Variants in NBEA observed in about 807,000 individuals in gnomAD.
NBEA encodes neurobeachin.
Under a neutral mutation model 343.4 loss-of-function variants are expected in NBEA, and 44 were observed. The observed-to-expected ratio is 0.13, with a 90% CI of 0.10 to 0.16. NBEA has a LOEUF of 0.16. Among genes scored for constraint, NBEA ranks in the 10% least tolerant of loss-of-function variants. The pLI, the probability that NBEA is intolerant of heterozygous loss-of-function variation, is 1.00. For synonymous variants in NBEA, 1,175 were observed against 1,238.7 expected (o/e 0.95, Z 1.08); for missense variants, 2,555 against 3,631.3 (o/e 0.70, Z 7.62).
chr13:35,313,140 G>A (rs890911357), intron 36 of NBEA, among the ~76,000 whole-genome samples: 1 of 152,110 alleles, frequency 6.6e-6, no homozygotes, highest in Non-Finnish European at 1.5e-5. Flanking sequence ...ATCTTGACAC[G>A]ACTGGTTGTT....
In NBEA at chr13:35,476,123, C is replaced by T. The variant is rs749061799; in HGVS notation, c.6585+3587C>T. 40 of 1,613,956 alleles carry T rather than the reference C, an allele frequency of 2.5e-5. No individual in the cohort carries two copies. The African/African-American group carries it at 4.9e-4, about 20-fold the overall frequency. ...TTATTCAGATGGTAGACCAGCTTGGCCTGGGCCGCAATCATGTTGGGGCAG... is the reference window on the plus strand; with the variant it reads ...TTATTCAGATGGTAGACCAGCTTGGTCTGGGCCGCAATCATGTTGGGGCAG... On this transcript the variant is annotated intron_variant, in intron 41 of 58. Coordinates refer to ENST00000379939, the MANE Select transcript of NBEA (RefSeq NM_001385012.1).
intron 34 of NBEA, among the ~76,000 whole-genome samples, chr13:35,275,768 T>G (rs965483198): frequency 1.3e-5 from 2 of 152,150 alleles, no homozygotes; most frequent in Non-Finnish European, 2.9e-5. Flanking sequence ...TCATCATCAC[T>G]GGCCATCAGA....
At chr13:35,535,047 C>G (rs2078466843) in intron 41 of NBEA, among the ~76,000 whole-genome samples, 2 of 152,146 alleles carry the variant, frequency 1.3e-5, no homozygotes, top group Admixed American at 1.3e-4. Context: ...TATATTTAAC[C>G]CTGGAAATAC....
At chr13:35,443,472 A>G (rs960394223) in intron 39 of NBEA, among the ~76,000 whole-genome samples, 1 of 152,064 alleles carries the variant, frequency 6.6e-6, no homozygotes, top group African/African-American at 2.4e-5. Flanking sequence ...TGTCAACAAA[A>G]TTAAATTGAA....
intron 1 of NBEA, among the ~76,000 whole-genome samples, chr13:34,958,190 A>G (rs1034510241): frequency 2.0e-5 from 3 of 152,130 alleles, no homozygotes; most frequent in African/African-American, 4.8e-5. Context: ...TAAAAATTAT[A>G]TATGTACCTC....
chr13:35,529,782 G>A (rs2078167144), intron 41 of NBEA, among the ~76,000 whole-genome samples: 1 of 152,016 alleles, frequency 6.6e-6, no homozygotes, highest in Non-Finnish European at 1.5e-5. Context: ...TATTTATAAT[G>A]GTACATTTTT....
chr13:35,530,738 G>C (rs911687605), intron 41 of NBEA, among the ~76,000 whole-genome samples: 1 of 139,366 alleles, frequency 7.2e-6, no homozygotes, highest in African/African-American at 2.5e-5. Context: ...TTTCCATGGT[G>C]ATCTGCACAA....
At chr13:35,169,241 A>T (rs765321842) in intron 25 of NBEA, among the ~76,000 whole-genome samples, 1 of 151,642 alleles carries the variant, frequency 6.6e-6, no homozygotes, top group Non-Finnish European at 1.5e-5. Context: ...TGTTACAGTC[A>T]TATGTACAAT....
At chr13:35,094,647 C>T (rs1433847420) in intron 10 of NBEA, among the ~76,000 whole-genome samples, 2 of 151,778 alleles carry the variant, frequency 1.3e-5, no homozygotes, top group African/African-American at 4.8e-5. Context: ...GATTAACGTA[C>T]AGTGAAATCA....
rs779009139 is a variant in NBEA at position 35,232,631 on chromosome 13, C to A, written c.5776+12C>A. The A allele has an allele frequency of 6.2e-6, 9 of 1,460,936 alleles. No individual in the cohort carries two copies. Among genetic ancestry groups the A allele is most frequent in the East Asian group, 2.5e-5 (1 of 39,602 alleles). 90.5% of individuals were successfully genotyped at this position (1,460,936 alleles called of 1,614,324 possible). On this transcript the variant is annotated intron_variant, in intron 34 of 58. Coordinates refer to ENST00000379939, the MANE Select transcript of NBEA (RefSeq NM_001385012.1). ...GCTATTGATAGAAGGTATGATTTCT[C>A]TATTATAATTATTTTAGTTTCCTAT... is the stretch of plus-strand genomic sequence containing the variant.
At chr13:35,665,925 G>A (rs2085329626) in intron 56 of NBEA, among the ~76,000 whole-genome samples, 1 of 152,198 alleles carries the variant, frequency 6.6e-6, no homozygotes. Flanking sequence ...ACCACACCCA[G>A]CCTCTTTGGA....
At chr13:35,042,188 T>C (rs2062677972) in intron 2 of NBEA, among the ~76,000 whole-genome samples, 1 of 151,924 alleles carries the variant, frequency 6.6e-6, no homozygotes, top group South Asian at 2.1e-4. Flanking sequence ...AAAAATTTGA[T>C]TTTCTGAGAA....
chr13:35,221,266 C>T (rs2074351473), intron 33 of NBEA, among the ~76,000 whole-genome samples: 1 of 151,818 alleles, frequency 6.6e-6, no homozygotes, highest in African/African-American at 2.4e-5. Context: ...ATTGTTTGAA[C>T]CCAGGAGGCC....
At position 35,628,531 on chromosome 13, in the gene NBEA, T is replaced by G. The variant is rs114055784; in HGVS notation, c.7617+283T>G. On this transcript the variant is annotated intron_variant, in intron 49 of 58. Coordinates refer to ENST00000379939, the MANE Select transcript of NBEA (RefSeq NM_001385012.1). ...TTAAAATATGTAATGCTTTACGTAT[T>G]TTAGTAATAAGTGAAACCTAGCTGA... Among the ~76,000 whole-genome samples the G allele has an allele frequency of 9.9e-3, 1,509 of 152,340 alleles. 21 individuals carry two copies. Among genetic ancestry groups the G allele is most frequent in the African/African-American group, 0.034 (1,429 of 41,566 alleles).
chr13:35,186,826 A>G (rs1034836175), intron 30 of NBEA: 3 of 152,170 alleles, frequency 2.0e-5, no homozygotes, highest in Non-Finnish European at 4.4e-5. Context: ...GTAGTTGTCT[A>G]AATTAATCAC....
chr13:35,593,510 TA>T (rs2081628448), intron 47 of NBEA, 63 bp downstream of exon 47: 1 of 1,366,098 alleles, frequency 7.3e-7, no homozygotes. Context: ...TTGATTTTTT[TA>T]AGTGGGTATG....
At position 35,273,231 on chromosome 13, in the gene NBEA, A is replaced by T. The variant is rs1487704069; in HGVS notation, c.5777-17158A>T. On this transcript the variant is annotated intron_variant, in intron 34 of 58. Coordinates refer to ENST00000379939, the MANE Select transcript of NBEA (RefSeq NM_001385012.1). The stretch of plus-strand genomic sequence containing the variant: ...AAACCACACGACTACATGGAAACTG[A>T]AGACCCTGCACCTAAATGTCTACTG... Among the ~76,000 whole-genome samples, 8 of 152,224 alleles carry T rather than the reference A, an allele frequency of 5.3e-5. 1 individual carries two copies. The South Asian group carries it at 1.4e-3, about 28-fold the overall frequency.
chr13:35,134,784 C>T (rs1308465043), intron 17 of NBEA, among the ~76,000 whole-genome samples: 10 of 151,934 alleles, frequency 6.6e-5, no homozygotes, highest in Non-Finnish European at 8.8e-5. Context: ...GAAAGGATCA[C>T]TAACTACAAA....
intron 47 of NBEA, among the ~76,000 whole-genome samples, chr13:35,594,334 T>G (rs923846167): frequency 6.6e-6 from 1 of 152,152 alleles, no homozygotes; most frequent in Admixed American, 6.6e-5. Context: ...CACATATTTA[T>G]GCTTCTCTAT....
Sources: allele counts gnomAD v4.1 joint callset (sites outside exome capture counted in the v4.1 genomes callset), GRCh38; gene constraint gnomAD v4.1.1; transcripts MANE v1.5; gene names NCBI Gene and HGNC (gene_info 2026-07-23, HGNC 2026-07-21).